SGK3: variants seen among roughly 807,000 people sequenced by gnomAD.
SGK3 encodes the protein serum/glucocorticoid regulated kinase family member 3, also known as serine/threonine-protein kinase Sgk3.
Under a neutral mutation model 68.5 loss-of-function variants are expected in SGK3, and 47 were observed. The observed-to-expected ratio is 0.69, with a 90% confidence interval of 0.54 to 0.87. The LOEUF (loss-of-function observed/expected upper bound fraction) is 0.87, where lower values mean the gene tolerates loss of function less well. SGK3 is among the 40% of genes least tolerant of loss of function. SGK3 has a pLI of 0.00. For missense variants in SGK3, 479 were observed against 575.5 expected (o/e 0.83, Z 1.72); for synonymous variants, 181 against 189.1 (o/e 0.96, Z 0.35).
At chr8:66,786,825 G>T (rs969306760) in intron 1 of SGK3, among the ~76,000 whole-genome samples, 1 of 149,772 alleles carries the variant, frequency 6.7e-6, no homozygotes, top group Non-Finnish European at 1.5e-5. Context: ...TACCCTCTCA[G>T]TATACCATGT....
chr8:66,767,689 G>T (rs1806363203), intron 1 of SGK3: 1 of 1,425,980 alleles, frequency 7.0e-7, no homozygotes, highest in Non-Finnish European at 9.9e-7. Flanking sequence ...ATCATCTGAG[G>T]CAGGAACAGA....
At chr8:66,755,003 A>G (rs1805930562) in intron 1 of SGK3, among the ~76,000 whole-genome samples, 1 of 152,226 alleles carries the variant, frequency 6.6e-6, no homozygotes, top group Non-Finnish European at 1.5e-5. Context: ...TCATGCCTGT[A>G]ATCCCAGCAC....
intron 4 of SGK3, among the ~76,000 whole-genome samples, chr8:66,807,305 A>G (rs1282661794): frequency 6.6e-6 from 1 of 152,196 alleles, no homozygotes; most frequent in Admixed American, 6.5e-5. Context: ...TGAGACTTGA[A>G]CTTGGGTTGG....
chr8:66,715,671 A>C (rs11996861), intron 1 of SGK3, among the ~76,000 whole-genome samples: 22,927 of 152,194 alleles, frequency 0.15, 3,506 homozygotes, highest in African/African-American at 0.39. Context: ...GTTGCAATGA[A>C]TTTAGCATAA....
chr8:66,798,223 G>A (rs777774029), intron 2 of SGK3, among the ~76,000 whole-genome samples: 1 of 151,938 alleles, frequency 6.6e-6, no homozygotes, highest in Non-Finnish European at 1.5e-5. Context: ...GCCCAGGCTG[G>A]TCTCCAGCTC....
chr8:66,846,570 C>T (rs7007783), intron 14 of SGK3, among the ~76,000 whole-genome samples: 2,256 of 152,140 alleles, frequency 0.015, 56 homozygotes, highest in African/African-American at 0.051. Flanking sequence ...CACCTCAGCC[C>T]CCCAAAGTGC....
intron 1 of SGK3, among the ~76,000 whole-genome samples, chr8:66,790,067 G>A (rs1441067800): frequency 6.6e-6 from 1 of 151,912 alleles, no homozygotes; most frequent in Non-Finnish European, 1.5e-5. Context: ...AACAGAGTGA[G>A]ACCCCATCTC....
chr8:66,763,153 G>GGTA (rs1806221128), intron 1 of SGK3, among the ~76,000 whole-genome samples: 1 of 152,192 alleles, frequency 6.6e-6, no homozygotes, highest in South Asian at 2.1e-4. Flanking sequence ...CTGGAGTGCA[G>GGTA]TTTATATTGG....
intron 4 of SGK3, among the ~76,000 whole-genome samples, chr8:66,807,475 A>G (rs73691600): frequency 0.025 from 3,768 of 152,310 alleles, 160 homozygotes; most frequent in African/African-American, 0.085. Flanking sequence ...AATTGACACT[A>G]AAAACTGATT....
intron 6 of SGK3, among the ~76,000 whole-genome samples, chr8:66,825,303 G>C (rs1809006831): frequency 6.8e-6 from 1 of 146,674 alleles, no homozygotes; most frequent in Non-Finnish European, 1.5e-5. Context: ...ATACTTTGTT[G>C]TATAATTGTA....
At position 66,736,622 on chromosome 8, in the gene SGK3, C is replaced by CT. The variant is rs749420647; in HGVS notation, c.-122+23803dup. Among the ~76,000 whole-genome samples the CT allele has an allele frequency of 9.0e-3, 1,276 of 141,840 alleles. 13 individuals carry two copies. The highest frequency in any genetic ancestry group is 0.024 in the African/African-American group (939 of 38,946). 93.1% of individuals were successfully genotyped at this position (141,840 alleles called of 152,430 possible). On this transcript the variant is annotated intron_variant, in intron 1 of 16. Transcript: ENST00000521198. ...ACAGGCACATGCCACCATGCCCAGC[C>CT]TTTTTTTTTTTTTTGAGACTGAGTT...
intron 10 of SGK3, 39 bp downstream of exon 10, chr8:66,836,113 G>T (rs745664181): frequency 3.2e-6 from 5 of 1,573,078 alleles, no homozygotes; most frequent in Non-Finnish European, 4.3e-6. Flanking sequence ...TAATAGTTTA[G>T]AAAAATAGCA....
At chr8:66,855,596 A>G (rs886180525) in intron 16 of SGK3, among the ~76,000 whole-genome samples, 7 of 152,250 alleles carry the variant, frequency 4.6e-5, no homozygotes, top group Middle Eastern at 3.2e-3. Flanking sequence ...TAAGCAAATA[A>G]CAAACTGGGA....
At chr8:66,736,302 A>C (rs1480189719) in intron 1 of SGK3, among the ~76,000 whole-genome samples, 1 of 152,288 alleles carries the variant, frequency 6.6e-6, no homozygotes, top group African/African-American at 2.4e-5. Context: ...AAATAAATGT[A>C]GTACAGCAAT....
chr8:66,722,853 C>T lies in SGK3; in HGVS notation c.-122+10020C>T, dbSNP rs77223724. On this transcript the variant is annotated intron_variant, in intron 1 of 16. Transcript: ENST00000521198. ...AAGGGGGAATAGGGACATCACGTGG[C>T]GAAAACAGGAGCAAGAGCAAGAGTG... is the stretch of plus-strand genomic sequence containing the variant. Among the ~76,000 whole-genome samples the T allele has an allele frequency of 2.1e-4, 32 of 151,686 alleles. No homozygotes were observed. The East Asian group carries it at 5.6e-3, about 27-fold the overall frequency.
intron 1 of SGK3, among the ~76,000 whole-genome samples, chr8:66,750,316 G>T (rs1456730809): frequency 6.6e-6 from 1 of 151,736 alleles, no homozygotes; most frequent in Non-Finnish European, 1.5e-5. Flanking sequence ...ATCTAACATC[G>T]CTCACTTTAA....
At chr8:66,757,402 G>C (rs947759578) in intron 1 of SGK3, among the ~76,000 whole-genome samples, 2 of 151,794 alleles carry the variant, frequency 1.3e-5, no homozygotes, top group Admixed American at 6.6e-5. Flanking sequence ...GCCTCTCGAA[G>C]GGCTGGGATT....
chr8:66,798,432 A>G, intron 2 of SGK3, 110 bp from the exon 3 acceptor site: 2 of 851,224 alleles, frequency 2.3e-6, no homozygotes, highest in Non-Finnish European at 3.6e-6. Flanking sequence ...TGAAAGAGCC[A>G]GACTGTCTCA....
At chr8:66,785,782 T>C (rs1807174028) in intron 1 of SGK3, among the ~76,000 whole-genome samples, 1 of 152,218 alleles carries the variant, frequency 6.6e-6, no homozygotes, top group Non-Finnish European at 1.5e-5. Context: ...TCTGAGTTGA[T>C]TCATGAGTTG....
Sources: gnomAD v4.1 joint callset for allele counts (sites outside exome capture counted in the v4.1 genomes callset) on GRCh38, gnomAD v4.1.1 for gene constraint, MANE v1.5 for transcripts, NCBI Gene and HGNC (gene_info 2026-07-23, HGNC 2026-07-21) for gene names.